The following PPP6R3 variants were observed in gnomAD, a reference collection of about 807,000 sequenced individuals.
PPP6R3 encodes the protein protein phosphatase 6 regulatory subunit 3, also known as serine/threonine-protein phosphatase 6 regulatory subunit 3.
Under a neutral mutation model 110.7 loss-of-function variants are expected in PPP6R3, and 38 were observed. That is an observed-to-expected ratio of 0.34 (90% CI 0.26 to 0.45). The LOEUF is 0.45. Ranked by LOEUF, PPP6R3 falls within the 20% of genes least tolerant of loss-of-function variation. The pLI, the probability that PPP6R3 is intolerant of heterozygous loss-of-function variation, is 1.00. For synonymous variants in PPP6R3, 369 were observed against 373.5 expected, an observed-to-expected ratio of 0.99 and a Z score of 0.14; for missense variants, 870 against 1,062.4, an observed-to-expected ratio of 0.82 and a Z score of 2.52.
In PPP6R3 at chr11:68,573,114, T is replaced by TATATATA. The variant is rs1555173816; in HGVS notation, c.1344-995_1344-994insATATATA. Among the ~76,000 whole-genome samples, 26 of 61,800 alleles carry TATATATA rather than the reference T, an allele frequency of 4.2e-4. No homozygotes were observed. In the East Asian group the frequency reaches 0.014, roughly 34 times the overall value. 40.5% of individuals were successfully genotyped at this position (61,800 alleles called of 152,430 possible). ...TCAGATTAATATGAGTTTACTTATT[T>TATATATA]TATATATATATATATATATATATAT... is the stretch of plus-strand genomic sequence containing the variant. On this transcript the variant is annotated intron_variant, in intron 12 of 23. Transcript: ENST00000393800.
At chr11:68,493,616 C>CATATATATAT (rs71043436) in intron 1 of PPP6R3, among the ~76,000 whole-genome samples, 3 of 137,498 alleles carry the variant, frequency 2.2e-5, no homozygotes, top group South Asian at 4.7e-4. Flanking sequence ...AAAACAAAAC[C>CATATATATAT]ATATATATAT....
chr11:68,542,839 T>G (rs2099327195), intron 3 of PPP6R3, among the ~76,000 whole-genome samples: 2 of 152,158 alleles, frequency 1.3e-5, no homozygotes, highest in Non-Finnish European at 2.9e-5. Flanking sequence ...CTAGAAAAAG[T>G]GAACAAATTT....
Position 68,613,790 on chromosome 11 carries a change from A to T in PPP6R3, c.*673A>T, listed in dbSNP as rs752291529. Reference sequence around the variant, plus strand: ...TTGCTACATCATAGTTGATAAATTGATGTTATCGTAAAGCCATATGTTCTG... The same window carrying T: ...TTGCTACATCATAGTTGATAAATTGTTGTTATCGTAAAGCCATATGTTCTG... On this transcript the variant is annotated 3_prime_UTR_variant, in exon 24 of 24. Coordinates refer to ENST00000393800, the MANE Select transcript of PPP6R3 (RefSeq NM_001164161.2). 1.0e-6 allele frequency: 1 copy of T among 983,670 alleles called. No homozygotes were observed. Among genetic ancestry groups the T allele is most frequent in the Non-Finnish European group, 1.2e-6 (1 of 828,188 alleles). 60.9% of individuals were successfully genotyped at this position (983,670 alleles called of 1,614,324 possible). A position where few individuals can be genotyped will look rare whatever the true frequency, so the allele number is the denominator to read the frequency against.
At chr11:68,472,251 G>A (rs1003944235) in intron 1 of PPP6R3, among the ~76,000 whole-genome samples, 1 of 152,178 alleles carries the variant, frequency 6.6e-6, no homozygotes, top group Non-Finnish European at 1.5e-5. Flanking sequence ...GCGTGCAGAC[G>A]GAGAGGTTTG....
chr11:68,479,662 T>C (rs531779647), intron 1 of PPP6R3, among the ~76,000 whole-genome samples: 1 of 152,312 alleles, frequency 6.6e-6, no homozygotes, highest in East Asian at 1.9e-4. Flanking sequence ...AGTCTTTTTT[T>C]CTCCTTGTTC....
At chr11:68,544,547 C>G (rs939430307) in intron 3 of PPP6R3, among the ~76,000 whole-genome samples, 1 of 152,206 alleles carries the variant, frequency 6.6e-6, no homozygotes, top group Non-Finnish European at 1.5e-5. Flanking sequence ...TGGAGAAGGC[C>G]CGGGCCCTGC....
chr11:68,572,331 G>T (rs1205266710), intron 12 of PPP6R3, among the ~76,000 whole-genome samples: 1 of 152,116 alleles, frequency 6.6e-6, no homozygotes, highest in East Asian at 1.9e-4. Flanking sequence ...GAGGCCTGGT[G>T]AATACCATTC....
chr11:68,496,273 G>A lies in PPP6R3; in HGVS notation c.-157-23228G>A, dbSNP rs565985906. Among the ~76,000 whole-genome samples, 5 of 151,134 alleles carry A rather than the reference G, an allele frequency of 3.3e-5. No homozygotes were observed. In the East Asian group the frequency reaches 7.8e-4, roughly 24 times the overall value. On this transcript the variant is annotated intron_variant, in intron 1 of 23. Transcript: ENST00000393800. ...TGGGCTCAAGTGATTCTCTCCTCTC[G>A]CCTTGGCTTCCCAAAGTTGTTGGGA...
At chr11:68,490,390 A>G (rs545480202) in intron 1 of PPP6R3, among the ~76,000 whole-genome samples, 2 of 151,420 alleles carry the variant, frequency 1.3e-5, no homozygotes, top group African/African-American at 2.4e-5. Context: ...ACATTTGACT[A>G]TGATATTGCT....
rs769459988 is a variant in PPP6R3 at position 68,462,989 on chromosome 11, A to G, written c.-158+2162A>G. 5.9e-5 allele frequency among the ~76,000 whole-genome samples: 9 copies of G among 152,338 alleles called. No homozygotes were observed. The South Asian group carries it at 6.2e-4, about 11-fold the overall frequency. ...AACAAGCAAAAAGTTGTTAGTTTCA[A>G]TGAACTAATTGAGAATTTGAGAATC... On this transcript the variant is annotated intron_variant, in intron 1 of 23. Coordinates refer to ENST00000393800, the MANE Select transcript of PPP6R3 (RefSeq NM_001164161.2).
At chr11:68,542,689 C>A (rs11602403) in intron 3 of PPP6R3, among the ~76,000 whole-genome samples, 4,172 of 152,162 alleles carry the variant, frequency 0.027, 76 homozygotes, top group Middle Eastern at 0.065. Context: ...CCACCGCGCT[C>A]GGCCTTGAGA....
At chr11:68,612,495 T>C (rs1944014654) in intron 23 of PPP6R3, among the ~76,000 whole-genome samples, 1 of 152,196 alleles carries the variant, frequency 6.6e-6, no homozygotes, top group African/African-American at 2.4e-5. Context: ...CACTTTGTTA[T>C]ATACTGTCCC....
chr11:68,581,632 CAT>C (rs1027883313), intron 14 of PPP6R3, among the ~76,000 whole-genome samples: 1 of 152,254 alleles, frequency 6.6e-6, no homozygotes, highest in African/African-American at 2.4e-5. Context: ...TGCTCTTTAA[CAT>C]AGTCCTGTGA....
intron 23 of PPP6R3, among the ~76,000 whole-genome samples, chr11:68,611,511 G>C (rs1443052352): frequency 6.6e-6 from 1 of 152,204 alleles, no homozygotes; most frequent in Non-Finnish European, 1.5e-5. Context: ...GGAAAAGATG[G>C]GGTCAGCCAG....
At chr11:68,587,573 A>G (rs1392921741) in intron 15 of PPP6R3, 1 of 337,608 alleles carries the variant, frequency 3.0e-6, no homozygotes, top group Admixed American at 4.4e-5. Context: ...GGTTGTGTCC[A>G]GAGGTGACTG....
intron 2 of PPP6R3, among the ~76,000 whole-genome samples, chr11:68,536,867 A>G (rs569233826): frequency 6.6e-4 from 101 of 152,342 alleles, no homozygotes; most frequent in African/African-American, 2.2e-3. Flanking sequence ...CTGTGATGCT[A>G]TCATCCTGTC....
At chr11:68,473,746 G>A (rs2098808827) in intron 1 of PPP6R3, among the ~76,000 whole-genome samples, 1 of 152,218 alleles carries the variant, frequency 6.6e-6, no homozygotes, top group East Asian at 1.9e-4. Flanking sequence ...GGTCACATAA[G>A]TATCCTGTGT....
chr11:68,472,677 A>G (rs1591581752), intron 1 of PPP6R3, among the ~76,000 whole-genome samples: 1 of 151,942 alleles, frequency 6.6e-6, no homozygotes, highest in East Asian at 1.9e-4. Flanking sequence ...TCAATTGATC[A>G]ATTTAAAGTG....
chr11:68,538,279 A>G (rs1013691624), intron 3 of PPP6R3, among the ~76,000 whole-genome samples: 19 of 152,232 alleles, frequency 1.2e-4, no homozygotes, highest in African/African-American at 4.3e-4. Context: ...TTGCTTATAC[A>G]ATACATTCTG....
Sources: gnomAD v4.1 joint callset for allele counts (sites outside exome capture counted in the v4.1 genomes callset) on GRCh38, gnomAD v4.1.1 for gene constraint, MANE v1.5 for transcripts, NCBI Gene and HGNC (gene_info 2026-07-23, HGNC 2026-07-21) for gene names.